The following GABRB1 variants were observed in gnomAD, a reference collection of about 807,000 sequenced individuals.
GABRB1 encodes the protein gamma-aminobutyric acid receptor subunit beta-1.
GABRB1 carries 17 observed loss-of-function variants against 51.6 expected under a neutral mutation model. That is an observed-to-expected ratio of 0.33 (90% CI 0.23 to 0.49). The LOEUF is 0.49. GABRB1 is among the 20% of genes least tolerant of loss of function. The pLI is 0.99. For missense variants in GABRB1, 410 were observed against 600.6 expected, an observed-to-expected ratio of 0.68 and a Z score of 3.32; for synonymous variants, 247 against 218.9, an observed-to-expected ratio of 1.13 and a Z score of -1.14.
At chr4:47,171,965 T>C (rs926275945) in intron 4 of GABRB1, among the ~76,000 whole-genome samples, 1 of 152,286 alleles carries the variant, frequency 6.6e-6, no homozygotes, top group Admixed American at 6.5e-5. Flanking sequence ...GTATATTTTA[T>C]GTATCAAAGA....
intron 3 of GABRB1, among the ~76,000 whole-genome samples, chr4:47,039,660 A>G (rs1039631009): frequency 1.3e-5 from 2 of 152,158 alleles, no homozygotes; most frequent in African/African-American, 4.8e-5. Context: ...CCTGAAATGA[A>G]TCTTAGAAAA....
Position 47,263,196 on chromosome 4 carries a change from T to TAATAAATAAATA in GABRB1, c.462-56913_462-56902dup, listed in dbSNP as rs60437394. On this transcript the variant is annotated intron_variant, in intron 4 of 8. Coordinates refer to ENST00000295454, the MANE Select transcript of GABRB1 (RefSeq NM_000812.4). ...TACCCTAAAACTTAAAGTATAATAA[T>TAATAAATAAATA]AATAAATAAATAAATAAATAAATAA... Among the ~76,000 whole-genome samples, 626 of 149,430 alleles carry TAATAAATAAATA rather than the reference T, an allele frequency of 4.2e-3. 4 individuals are homozygous for TAATAAATAAATA. The highest frequency in any genetic ancestry group is 0.014 in the African/African-American group (570 of 40,562).
intron 4 of GABRB1, among the ~76,000 whole-genome samples, chr4:47,310,211 G>A (rs1724620034): frequency 6.6e-6 from 1 of 152,138 alleles, no homozygotes; most frequent in Admixed American, 6.5e-5. Flanking sequence ...AATGGCAAAG[G>A]TAATAGTTCT....
intron 3 of GABRB1, among the ~76,000 whole-genome samples, chr4:47,088,094 T>C (rs557739182): frequency 1.3e-5 from 2 of 152,368 alleles, no homozygotes; most frequent in African/African-American, 4.8e-5. Flanking sequence ...AAATATGAAC[T>C]AGTTTAAGAT....
chr4:47,190,188 C>T (rs972849900), intron 4 of GABRB1, among the ~76,000 whole-genome samples: 2 of 151,980 alleles, frequency 1.3e-5, no homozygotes, highest in Non-Finnish European at 2.9e-5. Context: ...ACAAGGTTTC[C>T]CTGAAAATGC....
intron 4 of GABRB1, among the ~76,000 whole-genome samples, chr4:47,238,646 G>T (rs910397783): frequency 2.6e-5 from 4 of 152,094 alleles, no homozygotes; most frequent in Non-Finnish European, 5.9e-5. Context: ...CTAACTTCAA[G>T]TGGAAAACCA....
chr4:47,210,553 G>A (rs1476523977), intron 4 of GABRB1, among the ~76,000 whole-genome samples: 1 of 151,670 alleles, frequency 6.6e-6, no homozygotes, highest in Non-Finnish European at 1.5e-5. Flanking sequence ...TCTTGAATAG[G>A]GATACTAAGC....
chr4:47,292,998 A>G (rs1221408294), intron 4 of GABRB1, among the ~76,000 whole-genome samples: 1 of 152,236 alleles, frequency 6.6e-6, no homozygotes, highest in Admixed American at 6.5e-5. Flanking sequence ...ATCATAGCAC[A>G]AACACTCTGC....
chr4:47,131,221 G>A (rs1018511158), intron 3 of GABRB1, among the ~76,000 whole-genome samples: 14 of 151,578 alleles, frequency 9.2e-5, no homozygotes, highest in African/African-American at 3.2e-4. Context: ...GTGCAGTGGC[G>A]CAATCTCGGT....
intron 8 of GABRB1, 126 bp from the exon 9 acceptor site, chr4:47,425,548 C>A: frequency 2.9e-6 from 2 of 680,352 alleles, no homozygotes; most frequent in African/African-American, 1.8e-5. Flanking sequence ...ATCAGGGAGG[C>A]ACATCAAGCC....
chr4:47,130,337 G>C (rs984185918), intron 3 of GABRB1, among the ~76,000 whole-genome samples: 49 of 57,044 alleles, frequency 8.6e-4, no homozygotes, highest in African/African-American at 1.7e-3. Flanking sequence ...GTGTGTGTGT[G>C]TGTGTGTGTG....
intron 5 of GABRB1, among the ~76,000 whole-genome samples, chr4:47,327,430 TC>T (rs1191345822): frequency 6.6e-6 from 1 of 152,078 alleles, no homozygotes; most frequent in Non-Finnish European, 1.5e-5. Flanking sequence ...TAAGGAAAGA[TC>T]TAACATTTAT....
chr4:47,042,612 T>C (rs897765870), intron 3 of GABRB1, among the ~76,000 whole-genome samples: 4 of 151,216 alleles, frequency 2.6e-5, no homozygotes, highest in African/African-American at 4.8e-5. Flanking sequence ...AATAATTTGA[T>C]TGAGTATTAC....
chr4:47,338,052 A>G (rs1725763168), intron 5 of GABRB1, among the ~76,000 whole-genome samples: 1 of 152,070 alleles, frequency 6.6e-6, no homozygotes, highest in Non-Finnish European at 1.5e-5. Context: ...CATCACTGTG[A>G]TTATTGTCAC....
intron 3 of GABRB1, among the ~76,000 whole-genome samples, chr4:47,107,542 A>G (rs1197616758): frequency 2.0e-5 from 3 of 152,068 alleles, no homozygotes; most frequent in Non-Finnish European, 4.4e-5. Context: ...GCTACTTTCT[A>G]TATGTGTGAC....
intron 4 of GABRB1, among the ~76,000 whole-genome samples, chr4:47,250,761 G>A (rs1721956924): frequency 1.3e-5 from 2 of 152,148 alleles, no homozygotes; most frequent in Admixed American, 1.3e-4. Context: ...AATTTCCAGA[G>A]CATTTTGCAT....
In GABRB1 at chr4:47,213,199, G is replaced by A. The variant is rs576014515; in HGVS notation, c.461+51730G>A. On this transcript the variant is annotated intron_variant, in intron 4 of 8. Coordinates refer to ENST00000295454, the MANE Select transcript of GABRB1 (RefSeq NM_000812.4). The stretch of plus-strand genomic sequence containing the variant: ...CTCCATAATCAGTAAAGATAATTTT[G>A]TATGCTTAATTGATTGTTTATATGC... Among the ~76,000 whole-genome samples, 6 of 152,068 alleles carry A rather than the reference G, an allele frequency of 3.9e-5. No homozygotes were observed. The East Asian group carries it at 1.2e-3, about 29-fold the overall frequency.
chr4:47,052,440 G>T (rs1358345243), intron 3 of GABRB1, among the ~76,000 whole-genome samples: 1 of 152,190 alleles, frequency 6.6e-6, no homozygotes, highest in East Asian at 1.9e-4. Flanking sequence ...ATTCAGGCAA[G>T]GGGGAGAGGT....
intron 4 of GABRB1, among the ~76,000 whole-genome samples, chr4:47,232,066 A>C (rs1264205966): frequency 6.6e-6 from 1 of 152,134 alleles, no homozygotes; most frequent in African/African-American, 2.4e-5. Flanking sequence ...CAAATTTGTG[A>C]TGTATCCAAT....
Sources: allele counts gnomAD v4.1 joint callset (sites outside exome capture counted in the v4.1 genomes callset), GRCh38; gene constraint gnomAD v4.1.1; transcripts MANE v1.5; gene names NCBI Gene and HGNC (gene_info 2026-07-23, HGNC 2026-07-21).